Variants in SPMAP2 observed in about 807,000 individuals in gnomAD.
SPMAP2 encodes Theg homolog.
the SPMAP2 span, chr19:367,081 G>A: frequency 6.2e-7 from 1 of 1,612,990 alleles, no homozygotes; most frequent in African/African-American, 1.3e-5. Flanking sequence ...AGTGAAGGAG[G>A]CGGTTATGGT....
At chr19:367,865 C>A in the SPMAP2 span, among the ~76,000 whole-genome samples, 1 of 152,044 alleles carries the variant, frequency 6.6e-6, no homozygotes, top group African/African-American at 2.4e-5. Context: ...GCAATTAGAC[C>A]ATTTTTTTTC....
the SPMAP2 span, among the ~76,000 whole-genome samples, chr19:364,150 G>T: frequency 3.3e-5 from 5 of 149,838 alleles, no homozygotes; most frequent in South Asian, 2.1e-4. Context: ...TGGCTCACAC[G>T]GTGAAATCCC....
chr19:374,338 A>C, the SPMAP2 span: 699 of 1,614,120 alleles, frequency 4.3e-4, 5 homozygotes, highest in Middle Eastern at 4.0e-3. Flanking sequence ...GGGCTCTGCC[A>C]GCTCCATGAG....
chr19:371,437 T>C, the SPMAP2 span: 3 of 500,254 alleles, frequency 6.0e-6, no homozygotes, highest in Admixed American at 3.2e-5. Context: ...AGCTCCTCCA[T>C]ATGTGTCTGT....
At chr19:371,296 C>G in the SPMAP2 span, 1 of 1,490,252 alleles carries the variant, frequency 6.7e-7, no homozygotes, top group African/African-American at 1.4e-5. Flanking sequence ...CAGGGAGGAC[C>G]GAGGAATGGG....
At chr19:375,458 G>T in the SPMAP2 span, among the ~76,000 whole-genome samples, 3 of 152,198 alleles carry the variant, frequency 2.0e-5, no homozygotes, top group Non-Finnish European at 4.4e-5. Flanking sequence ...GTCTGCCTCA[G>T]GGCCCAGTGA....
chr19:373,808 AG>A, the SPMAP2 span: 2 of 874,092 alleles, frequency 2.3e-6, no homozygotes, highest in Non-Finnish European at 3.7e-6. Flanking sequence ...AAGGGTGGAG[AG>A]CCCCACATCT....
chr19:374,202 A>G, the SPMAP2 span: 2 of 1,554,182 alleles, frequency 1.3e-6, no homozygotes, highest in Admixed American at 1.7e-5. Context: ...CAGCTGGGGG[A>G]GGGGAGCCGA....
At chr19:364,978 A>G in the SPMAP2 span, among the ~76,000 whole-genome samples, 1 of 152,298 alleles carries the variant, frequency 6.6e-6, no homozygotes, top group East Asian at 1.9e-4. Flanking sequence ...AATAAGGGCT[A>G]CCCACTTCTT....
the SPMAP2 span, among the ~76,000 whole-genome samples, chr19:364,326 AGCT>A: frequency 7.2e-6 from 1 of 138,638 alleles, no homozygotes. Context: ...GACAGAGCGA[AGCT>A]CTGTCTCAAA....
At chr19:374,219 G>C in the SPMAP2 span, 52 of 1,579,942 alleles carry the variant, frequency 3.3e-5, no homozygotes, top group African/African-American at 6.7e-4. Flanking sequence ...CCGAGCAGTG[G>C]GGACAGGAGG....
At chr19:375,550 CGGT>C in the SPMAP2 span, 1 of 1,157,898 alleles carries the variant, frequency 8.6e-7, no homozygotes, top group Non-Finnish European at 1.2e-6. Context: ...CGAGCCAGGC[CGGT>C]GGCCGGTTAC....
At chr19:371,367 G>A in the SPMAP2 span, 2 of 718,860 alleles carry the variant, frequency 2.8e-6, no homozygotes, top group Admixed American at 3.3e-5. Flanking sequence ...GCCGGGGGTG[G>A]GGGTGTGTGT....
At chr19:375,700 G>A in the SPMAP2 span, 1 of 1,603,096 alleles carries the variant, frequency 6.2e-7, no homozygotes, top group Non-Finnish European at 8.5e-7. Flanking sequence ...TCCTTGTCCA[G>A]GACTCTCTCC....
chr19:373,487 A>AG, the SPMAP2 span: 48 of 1,613,188 alleles, frequency 3.0e-5, no homozygotes, highest in Non-Finnish European at 4.1e-5. Flanking sequence ...TGTGATGGTG[A>AG]GGGTGGTGTC....
At chr19:372,535 C>A in the SPMAP2 span, 4 of 1,305,286 alleles carry the variant, frequency 3.1e-6, no homozygotes, top group Non-Finnish European at 4.4e-6. Flanking sequence ...GGGCTAGGAC[C>A]TGGACCCTTT....
At chr19:367,206 C>G in the SPMAP2 span, 1 of 1,599,998 alleles carries the variant, frequency 6.3e-7, no homozygotes, top group East Asian at 2.3e-5. Context: ...ATTTGGGCTG[C>G]CCTGGATACC....
the SPMAP2 span, chr19:372,752 G>T: frequency 6.4e-7 from 1 of 1,562,488 alleles, no homozygotes; most frequent in Non-Finnish European, 8.8e-7. Context: ...ACACCCTGCA[G>T]TTCCCAGGGG....
chr19:375,762 G>A, the SPMAP2 span: 2 of 1,609,974 alleles, frequency 1.2e-6, no homozygotes, highest in Admixed American at 3.4e-5. Flanking sequence ...CTCCTCCCCG[G>A]CCACCTCCTC....
Sources: allele counts gnomAD v4.1 joint callset (sites outside exome capture counted in the v4.1 genomes callset), GRCh38; gene constraint gnomAD v4.1.1; transcripts MANE v1.5; gene names NCBI Gene and HGNC (gene_info 2026-07-23, HGNC 2026-07-21).